Variants in NUBPL observed in about 807,000 individuals in gnomAD.
The protein encoded by NUBPL is NUBP iron-sulfur cluster assembly factor, mitochondrial, also known as iron-sulfur cluster transfer protein NUBPL.
Under a neutral mutation model 45.7 loss-of-function variants are expected in NUBPL, and 31 were observed. The observed-to-expected ratio is 0.68, with a 90% CI of 0.51 to 0.92. The LOEUF is 0.92. NUBPL is among the 40% of genes least tolerant of loss of function. NUBPL has a pLI of 0.00. For missense variants in NUBPL, 401 were observed against 398.7 expected, an observed-to-expected ratio of 1.01 and a Z score of -0.05; for synonymous variants, 144 against 140.9, an observed-to-expected ratio of 1.02 and a Z score of -0.15.
At chr14:31,754,072 C>G (rs1309933303) in intron 6 of NUBPL, among the ~76,000 whole-genome samples, 2 of 152,112 alleles carry the variant, frequency 1.3e-5, no homozygotes, top group Non-Finnish European at 1.5e-5. Context: ...GTTGTACTCC[C>G]TCTCCTTCTT....
intron 4 of NUBPL, among the ~76,000 whole-genome samples, chr14:31,665,940 A>G (rs975319130): frequency 2.0e-5 from 3 of 151,706 alleles, no homozygotes; most frequent in African/African-American, 7.3e-5. Flanking sequence ...TATATTTAAG[A>G]TAATGCTTCT....
intron 4 of NUBPL, among the ~76,000 whole-genome samples, chr14:31,638,565 TC>T (rs2035579596): frequency 6.6e-6 from 1 of 152,038 alleles, no homozygotes; most frequent in Non-Finnish European, 1.5e-5. Context: ...CAGTTTTGTG[TC>T]TTGGAGTTGC....
chr14:31,755,589 T>C (rs1469317480), intron 6 of NUBPL, among the ~76,000 whole-genome samples: 1 of 152,132 alleles, frequency 6.6e-6, no homozygotes, highest in Non-Finnish European at 1.5e-5. Flanking sequence ...TTGTAGATTC[T>C]GGATATTAGC....
intron 7 of NUBPL, among the ~76,000 whole-genome samples, chr14:31,809,460 A>T (rs1284009251): frequency 1.3e-5 from 2 of 152,078 alleles, no homozygotes; most frequent in Non-Finnish European, 2.9e-5. Flanking sequence ...ATTGGTGGTG[A>T]TATCACCTTT....
intron 7 of NUBPL, among the ~76,000 whole-genome samples, chr14:31,822,126 C>T: frequency 6.6e-6 from 1 of 151,978 alleles, no homozygotes; most frequent in East Asian, 1.9e-4. Flanking sequence ...TATTTGACAG[C>T]ACAACAGGGT....
chr14:31,746,925 C>T (rs2038410911), intron 6 of NUBPL, among the ~76,000 whole-genome samples: 1 of 151,538 alleles, frequency 6.6e-6, no homozygotes, highest in Admixed American at 6.6e-5. Flanking sequence ...TAAAAATTAG[C>T]CAGATGTGGT....
chr14:31,739,691 T>A (rs1461192984), intron 6 of NUBPL, among the ~76,000 whole-genome samples: 1 of 152,210 alleles, frequency 6.6e-6, no homozygotes, highest in African/African-American at 2.4e-5. Flanking sequence ...GTAGTTTACA[T>A]TAGAGTTCAC....
chr14:31,640,738 A>G (rs1412425196), intron 4 of NUBPL, among the ~76,000 whole-genome samples: 1 of 152,052 alleles, frequency 6.6e-6, no homozygotes, highest in African/African-American at 2.4e-5. Flanking sequence ...ATACGTGTGC[A>G]TATTTTCAGG....
intron 4 of NUBPL, among the ~76,000 whole-genome samples, chr14:31,642,105 C>G (rs1359065123): frequency 6.6e-6 from 1 of 152,110 alleles, no homozygotes. Flanking sequence ...GGATAGTTTA[C>G]AAATATTTTC....
rs202236071 is a variant in NUBPL at position 31,757,149 on chromosome 14, G to T, written c.514-30631G>T. Among the ~76,000 whole-genome samples, 61 of 142,514 alleles carry T rather than the reference G, an allele frequency of 4.3e-4. No homozygotes were observed. In the East Asian group the frequency reaches 0.013, roughly 30 times the overall value. 93.5% of individuals were successfully genotyped at this position (142,514 alleles called of 152,430 possible). On this transcript the variant is annotated intron_variant, in intron 6 of 10. Coordinates refer to ENST00000281081, the MANE Select transcript of NUBPL (RefSeq NM_025152.3). ...TGCATCAATGTTCATCAAGGATATTGGTCTAAAATTCTCTTTTTTGGTTGT... is the reference window on the plus strand; with the variant it reads ...TGCATCAATGTTCATCAAGGATATTTGTCTAAAATTCTCTTTTTTGGTTGT...
intron 6 of NUBPL, among the ~76,000 whole-genome samples, chr14:31,732,609 C>CTTT (rs71986817): frequency 1.2e-5 from 1 of 81,036 alleles, no homozygotes; most frequent in African/African-American, 5.0e-5. Flanking sequence ...AATTTGTTCT[C>CTTT]TTTTTTTTTT....
chr14:31,657,443 T>C (rs554382762), intron 4 of NUBPL, among the ~76,000 whole-genome samples: 34 of 152,342 alleles, frequency 2.2e-4, no homozygotes, highest in African/African-American at 7.9e-4. Context: ...TCGGTTTATA[T>C]AAGTCTTATA....
chr14:31,636,080 A>G (rs1424841667), intron 4 of NUBPL, among the ~76,000 whole-genome samples: 1 of 151,382 alleles, frequency 6.6e-6, no homozygotes, highest in African/African-American at 2.4e-5. Flanking sequence ...AATACCCTTT[A>G]TTTCCTTCTC....
chr14:31,664,438 G>A (rs914459101), intron 4 of NUBPL, among the ~76,000 whole-genome samples: 5 of 152,140 alleles, frequency 3.3e-5, no homozygotes, highest in African/African-American at 1.2e-4. Flanking sequence ...AGTGATTTTA[G>A]CATAAAGGGC....
At chr14:31,807,257 G>A (rs8013895) in intron 7 of NUBPL, among the ~76,000 whole-genome samples, 151,883 of 152,286 alleles carry the variant, frequency 1, 75,743 homozygotes, top group Middle Eastern at 1. Flanking sequence ...AAGCATTCCT[G>A]TTTCTCTACA....
In NUBPL at chr14:31,790,878, C is replaced by T. The variant is rs573637139; in HGVS notation, c.607+3005C>T. 1.2e-4 allele frequency among the ~76,000 whole-genome samples: 19 copies of T among 152,202 alleles called. No homozygotes were observed. The South Asian group carries it at 1.5e-3, about 12-fold the overall frequency. On this transcript the variant is annotated intron_variant, in intron 7 of 10. Transcript: ENST00000281081. The stretch of plus-strand genomic sequence containing the variant: ...AACAAAAAAACAAAAAACAGTAACT[C>T]TCAATGGATCCTCCATTCTCCCCAG...
chr14:31,707,558 G>A (rs986797184), intron 6 of NUBPL, among the ~76,000 whole-genome samples: 5 of 152,006 alleles, frequency 3.3e-5, no homozygotes, highest in African/African-American at 9.7e-5. Flanking sequence ...CGCTGTGTCC[G>A]GGGATCCATA....
At chr14:31,808,435 A>C (rs148357079) in intron 7 of NUBPL, among the ~76,000 whole-genome samples, 61 of 152,254 alleles carry the variant, frequency 4.0e-4, no homozygotes, top group African/African-American at 1.4e-3. Context: ...TTATTTGTGT[A>C]TACGAATGCT....
chr14:31,765,570 T>C (rs1013895905), intron 6 of NUBPL, among the ~76,000 whole-genome samples: 2 of 152,200 alleles, frequency 1.3e-5, no homozygotes, highest in Admixed American at 6.5e-5. Context: ...AATTTACAGA[T>C]TCAAATCTAA....
Sources: gnomAD v4.1 joint callset for allele counts (sites outside exome capture counted in the v4.1 genomes callset) on GRCh38, gnomAD v4.1.1 for gene constraint, MANE v1.5 for transcripts, NCBI Gene and HGNC (gene_info 2026-07-23, HGNC 2026-07-21) for gene names.